CLCN5: variants seen among roughly 807,000 people sequenced by gnomAD.
CLCN5 encodes the protein Cl-/H+ antiporter 5.
In CLCN5, 17 loss-of-function variants were observed where a neutral mutation model predicts 54.0. That is an observed-to-expected ratio of 0.31 (90% CI 0.22 to 0.47). The LOEUF (loss-of-function observed/expected upper bound fraction) is 0.47, where lower values mean the gene tolerates loss of function less well. Ranked by LOEUF, CLCN5 falls within the 20% of genes least tolerant of loss-of-function variation. The pLI, the probability that CLCN5 is intolerant of heterozygous loss-of-function variation, is 1.00. For missense variants in CLCN5, 448 were observed against 646.7 expected (o/e 0.69, Z 3.33); for synonymous variants, 222 against 233.0 (o/e 0.95, Z 0.43).
intron 3 of CLCN5, among the ~76,000 whole-genome samples, chrX:50,028,828 T>C (rs1931545443): frequency 8.9e-6 from 1 of 112,381 alleles, no homozygotes; most frequent in African/African-American, 3.2e-5. Flanking sequence ...TTCACTTCAT[T>C]TTATTGCATA....
intron 4 of CLCN5, among the ~76,000 whole-genome samples, chrX:50,050,961 C>T (rs1407359754): frequency 1.2e-4 from 13 of 110,832 alleles, no homozygotes; most frequent in African/African-American, 3.6e-4. Context: ...TGCGCCTGGC[C>T]GTGGCTTGTC....
intron 3 of CLCN5, among the ~76,000 whole-genome samples, chrX:49,966,592 T>TAA (rs1557175483): frequency 2.1e-4 from 3 of 14,623 alleles, no homozygotes; most frequent in African/African-American, 9.5e-4. Flanking sequence ...CTCTGATCTT[T>TAA]TTTTTTTTTT....
Position 50,094,195 on chromosome X carries a change from G to A in CLCN5, c.*1976G>A, listed in dbSNP as rs1934191331. 1 of 111,701 alleles carries A rather than the reference G, an allele frequency of 9.0e-6. No homozygotes were observed. The highest frequency in any genetic ancestry group is 3.3e-5 in the African/African-American group (1 of 30,742). The allele number at this position is 111,701 out of a possible 1,213,427, so 9.2% of individuals were successfully genotyped here. A position where few individuals can be genotyped will look rare whatever the true frequency, so the allele number is the denominator to read the frequency against. On this transcript the variant is annotated 3_prime_UTR_variant, in exon 15 of 15. Coordinates refer to ENST00000376091, the MANE Select transcript of CLCN5 (RefSeq NM_001127898.4). The stretch of plus-strand genomic sequence containing the variant: ...TTATTTTTATCTTTAAAATAATCAA[G>A]GCAGTCGCTAGAGTTTCTCCTTGTG...
chrX:50,001,622 C>A (rs1422463112), intron 3 of CLCN5, among the ~76,000 whole-genome samples: 16 of 77,577 alleles, frequency 2.1e-4, no homozygotes, highest in Non-Finnish European at 2.9e-4. Flanking sequence ...CCCCTCCCCC[C>A]ACCCCATGAC....
intron 3 of CLCN5, among the ~76,000 whole-genome samples, chrX:49,954,021 AT>A (rs2147293826): frequency 8.9e-6 from 1 of 112,240 alleles, no homozygotes; most frequent in African/African-American, 3.2e-5. Flanking sequence ...TTTATAAGTT[AT>A]TTTTAAGGAT....
chrX:50,006,800 G>A (rs1342189490), intron 3 of CLCN5, among the ~76,000 whole-genome samples: 1 of 111,629 alleles, frequency 9.0e-6, no homozygotes, highest in African/African-American at 3.3e-5. Flanking sequence ...CTGCCTGCCA[G>A]TATTATTTAC....
chrX:50,010,033 A>G (rs1214277594), intron 3 of CLCN5, among the ~76,000 whole-genome samples: 6 of 111,211 alleles, frequency 5.4e-5, no homozygotes, highest in Non-Finnish European at 1.1e-4. Flanking sequence ...TTGCCCCTGC[A>G]TATACTGAGG....
chrX:49,958,709 T>C (rs1557174200), intron 3 of CLCN5, among the ~76,000 whole-genome samples: 1 of 111,816 alleles, frequency 8.9e-6, no homozygotes, highest in Non-Finnish European at 1.9e-5. Flanking sequence ...ATACTTTATC[T>C]GGGCCTACAG....
chrX:50,008,708 C>T (rs782120604), intron 3 of CLCN5, among the ~76,000 whole-genome samples: 2 of 112,294 alleles, frequency 1.8e-5, no homozygotes, highest in South Asian at 7.5e-4. Flanking sequence ...ATCCATTACA[C>T]CTACATGCCC....
intron 3 of CLCN5, among the ~76,000 whole-genome samples, chrX:50,029,627 A>G (rs1285534798): frequency 5.4e-5 from 6 of 111,894 alleles, no homozygotes; most frequent in Non-Finnish European, 9.4e-5. Flanking sequence ...CAAAAAACAC[A>G]TGAAAAAAGC....
At chrX:49,994,789 A>G (rs1929429631) in intron 3 of CLCN5, among the ~76,000 whole-genome samples, 1 of 111,916 alleles carries the variant, frequency 8.9e-6, no homozygotes, top group Non-Finnish European at 1.9e-5. Flanking sequence ...GATATACAGC[A>G]GGTCACAGCA....
intron 4 of CLCN5, among the ~76,000 whole-genome samples, chrX:50,056,416 G>A (rs1034148761): frequency 9.0e-6 from 1 of 111,458 alleles, no homozygotes; most frequent in Non-Finnish European, 1.9e-5. Flanking sequence ...GTACAATTGA[G>A]AAGGAAGGAA....
chrX:49,938,803 A>G, intron 3 of CLCN5, among the ~76,000 whole-genome samples: 1 of 102,400 alleles, frequency 9.8e-6, no homozygotes, highest in South Asian at 4.8e-4. Flanking sequence ...ATCTAATTAA[A>G]CTAAAGAGCT....
At chrX:49,942,646 C>T (rs1477092357) in intron 3 of CLCN5, among the ~76,000 whole-genome samples, 5 of 102,946 alleles carry the variant, frequency 4.9e-5, no homozygotes, top group South Asian at 9.5e-4. Context: ...TGAGTGAGAA[C>T]TTGCGGTGTT....
At chrX:50,045,066 A>T (rs1932350553) in intron 4 of CLCN5, among the ~76,000 whole-genome samples, 1 of 111,394 alleles carries the variant, frequency 9.0e-6, no homozygotes, top group African/African-American at 3.3e-5. Flanking sequence ...ACTGAATGAC[A>T]ATAGATTATA....
chrX:49,969,743 T>G (rs1291044687), intron 3 of CLCN5, among the ~76,000 whole-genome samples: 1 of 112,045 alleles, frequency 8.9e-6, no homozygotes. Context: ...GCTTCTGCTG[T>G]TGTTGGGTGG....
In CLCN5 at chrX:50,092,161, T is replaced by C; in HGVS notation, c.2393T>C (p.Val798Ala). The change falls in exon 15 of 15, where the codon GTG (valine) becomes GCG (alanine). Residue 798 changes from valine (V) to alanine (A), a missense_variant. This residue lies in a region of CLCN5 where 297 missense variants were observed against 470.4 expected (regional missense o/e 0.63). Coordinates refer to ENST00000376091, the MANE Select transcript of CLCN5 (RefSeq NM_001127898.4). ...RLLGIITKKD[V>A]LKHIAQMANQ... ...CTTGGAATCATTACCAAAAAGGATG[T>C]GTTAAAGCATATAGCACAGATGGCG... 1 of 1,206,090 alleles carries C rather than the reference T, an allele frequency of 8.3e-7. No homozygotes were observed. The highest frequency in any genetic ancestry group is 1.1e-6 in the Non-Finnish European group (1 of 890,134).
In CLCN5 at chrX:49,923,475, T is replaced by C. The variant is rs1366404346; in HGVS notation, c.-136T>C. ...CCCGTGCGATAACGTCAGTGGAAGCTGCCCCGAGTAAGTGAGGGAAATCTA... is the reference window on the plus strand; with the variant it reads ...CCCGTGCGATAACGTCAGTGGAAGCCGCCCCGAGTAAGTGAGGGAAATCTA... On this transcript the variant is annotated 5_prime_UTR_variant, in exon 2 of 15. Transcript: ENST00000376091. 1 of 112,282 alleles carries C rather than the reference T, an allele frequency of 8.9e-6. No individual in the cohort carries two copies. Among genetic ancestry groups the C allele is most frequent in the Non-Finnish European group, 1.9e-5 (1 of 53,286 alleles). 9.3% of individuals were successfully genotyped at this position (112,282 alleles called of 1,213,427 possible). A position where few individuals can be genotyped will look rare whatever the true frequency, so the allele number is the denominator to read the frequency against.
intron 3 of CLCN5, among the ~76,000 whole-genome samples, chrX:50,018,658 G>C (rs1164166857): frequency 9.0e-6 from 1 of 111,681 alleles, no homozygotes; most frequent in East Asian, 2.8e-4. Flanking sequence ...AGTTTTTATC[G>C]TGAATGGGTG....
Sources: allele counts gnomAD v4.1 joint callset (sites outside exome capture counted in the v4.1 genomes callset), GRCh38; gene constraint gnomAD v4.1.1; regional missense constraint gnomAD v4.1.1; transcripts MANE v1.5; gene names NCBI Gene and HGNC (gene_info 2026-07-23, HGNC 2026-07-21).